Variants in GPSM1 observed in about 807,000 individuals in gnomAD.
The protein encoded by GPSM1 is G protein-signaling modulator 1.
In GPSM1, 48 loss-of-function variants were observed where a neutral mutation model predicts 70.5. That is an observed-to-expected ratio of 0.68 (90% CI 0.54 to 0.87). GPSM1 has a LOEUF of 0.87. Among genes scored for constraint, GPSM1 ranks in the 40% least tolerant of loss-of-function variants. The pLI is 0.00. For synonymous variants in GPSM1, 416 were observed against 430.1 expected, an observed-to-expected ratio of 0.97 and a Z score of 0.41; for missense variants, 981 against 972.6, an observed-to-expected ratio of 1.01 and a Z score of -0.11.
rs782226568 is a variant in GPSM1 at position 136,334,473 on chromosome 9, C to T, written c.95C>T (p.Ala32Val). Residue 32 changes from alanine to valine, a missense_variant, in exon 2 of 14, where the codon GCG becomes GTG. Ala to Val is a moderately conservative substitution (Grantham distance 64). Coordinates refer to ENST00000440944, the MANE Select transcript of GPSM1 (RefSeq NM_001145638.3). ...ATGGAGGCGTCCTGCCTAGAGCTGG[C>T]GCTGGAGGGCGAGCGTCTGTGCAAG... ...SRMEASCLEL[A>V]LEGERLCKAG... 5 of 1,612,490 alleles carry T rather than the reference C, an allele frequency of 3.1e-6. No individual in the cohort carries two copies. Among genetic ancestry groups the T allele is most frequent in the East Asian group, 4.5e-5 (2 of 44,878 alleles).
chr9:136,346,744 C>T (rs1292389528), intron 9 of GPSM1, among the ~76,000 whole-genome samples: 2 of 152,208 alleles, frequency 1.3e-5, no homozygotes, highest in South Asian at 2.1e-4. Flanking sequence ...GGGCCAGGCT[C>T]ATATTTAAAT....
intron 10 of GPSM1, 136 bp downstream of exon 10, chr9:136,348,903 G>A (rs1218493496): frequency 3.1e-6 from 2 of 647,650 alleles, no homozygotes; most frequent in Non-Finnish European, 2.7e-6. Context: ...TCGGCCTGAT[G>A]CCCTGCATGG....
chr9:136,347,045 C>A (rs1380707249), intron 9 of GPSM1, among the ~76,000 whole-genome samples: 2 of 152,118 alleles, frequency 1.3e-5, no homozygotes, highest in African/African-American at 4.8e-5. Flanking sequence ...TGCAGTGGGG[C>A]CTGGACAGGG....
rs1832338381 is a variant in GPSM1 at position 136,339,695 on chromosome 9, C to T, written c.975-12C>T. 2 of 1,535,746 alleles carry T rather than the reference C, an allele frequency of 1.3e-6. No homozygotes were observed. Among genetic ancestry groups the T allele is most frequent in the Non-Finnish European group, 8.8e-7 (1 of 1,133,824 alleles). ...AGAGGGCGGGTATGAATCTGGTCTC[C>T]CTCTCTGGCAGAGTGGGCGAGGGCC... On this transcript the variant is annotated splice_polypyrimidine_tract_variant and intron_variant, in intron 7 of 13. Coordinates refer to ENST00000440944, the MANE Select transcript of GPSM1 (RefSeq NM_001145638.3).
chr9:136,346,123 C>T (rs782339476), intron 9 of GPSM1, among the ~76,000 whole-genome samples: 3 of 152,222 alleles, frequency 2.0e-5, no homozygotes, highest in Admixed American at 6.5e-5. Context: ...ATGGGCCCCA[C>T]GTGTGCCTCT....
intron 9 of GPSM1, among the ~76,000 whole-genome samples, chr9:136,347,388 G>A (rs1384604872): frequency 1.2e-4 from 18 of 152,090 alleles, no homozygotes; most frequent in East Asian, 5.8e-4. Flanking sequence ...GTGGAGGGAC[G>A]CTTGGTTCCC....
At chr9:136,345,020 G>A (rs180979700) in intron 9 of GPSM1, among the ~76,000 whole-genome samples, 38 of 152,338 alleles carry the variant, frequency 2.5e-4, no homozygotes, top group African/African-American at 8.2e-4. Flanking sequence ...AGGAGGGGTG[G>A]GACTCTGGAT....
At position 136,335,980 on chromosome 9, in the gene GPSM1, G is replaced by T. The variant is rs370718104; in HGVS notation, c.305G>T (p.Arg102Leu). 2 of 1,612,394 alleles carry T rather than the reference G, an allele frequency of 1.2e-6. No individual in the cohort carries two copies. The highest frequency in any genetic ancestry group is 1.7e-5 in the Admixed American group (1 of 59,980). The part of the protein sequence containing the change: ...DLLLARTIGD[R>L]MGEAKASGNL... ...CTGCCATCCAGGACCATCGGTGACC[G>T]CATGGGGGAGGCCAAGGCCAGTGGA... The change falls in exon 3 of 14, where the codon CGC becomes CTC. Residue 102 changes from arginine (R) to leucine (L), a missense_variant. Transcript: ENST00000440944.
At chr9:136,354,195 C>T (rs1554772591) in intron 11 of GPSM1, among the ~76,000 whole-genome samples, 1 of 152,196 alleles carries the variant, frequency 6.6e-6, no homozygotes, top group Non-Finnish European at 1.5e-5. Flanking sequence ...TCCACAGGGC[C>T]CTCGGCTCAG....
At chr9:136,356,289 C>A in intron 12 of GPSM1, 53 bp from the exon 13 acceptor site, 1 of 1,357,982 alleles carries the variant, frequency 7.4e-7, no homozygotes, top group Non-Finnish European at 9.9e-7. Context: ...CAGCCCGAGC[C>A]TCGGGCTTGA....
rs1480690354 is a variant in GPSM1 at position 136,340,737 on chromosome 9, C to T, written c.1084-133C>T. 5 of 1,290,946 alleles carry T rather than the reference C, an allele frequency of 3.9e-6. No individual in the cohort carries two copies. In the East Asian group the frequency reaches 7.7e-5, roughly 20 times the overall value. The allele number at this position is 1,290,946 out of a possible 1,614,324, so 80.0% of individuals were successfully genotyped here. A position where few individuals can be genotyped will look rare whatever the true frequency, so the allele number is the denominator to read the frequency against. On this transcript the variant is annotated intron_variant, in intron 8 of 13. Coordinates refer to ENST00000440944, the MANE Select transcript of GPSM1 (RefSeq NM_001145638.3). This position sits in a 1 kb window ranked among gnomAD's most constrained non-coding sequence, Gnocchi z 7.3. ...AGTGAGTCCTGGTTCCCTCAGAGGC[C>T]CAGGGGTCAGTGACCAGTTCAGGTC...
Position 136,347,622 on chromosome 9 carries a change from T to G in GPSM1, c.1208-1075T>G, listed in dbSNP as rs371252058. Among the ~76,000 whole-genome samples, 70 of 152,296 alleles carry G rather than the reference T, an allele frequency of 4.6e-4. No individual in the cohort carries two copies. In the East Asian group the frequency reaches 7.5e-3, roughly 16 times the overall value. ...CTGTGCCCCTGTCCGTCCCGCCGCC[T>G]CCTCAGGGAAGCGCCCGCAGACCCT... On this transcript the variant is annotated intron_variant, in intron 9 of 13. Coordinates refer to ENST00000440944, the MANE Select transcript of GPSM1 (RefSeq NM_001145638.3).
chr9:136,343,474 T>G lies in GPSM1; in HGVS notation c.1207+2481T>G, dbSNP rs1198317503. Among the ~76,000 whole-genome samples the G allele has an allele frequency of 6.6e-6, 1 of 152,126 alleles. No homozygotes were observed. The highest frequency in any genetic ancestry group is 1.5e-5 in the Non-Finnish European group (1 of 68,028). ...CCGTACTTCTCAGCCCTCCACCGTC[T>G]GGGCCCTGCTCAGGGCGTTGTGAGC... is the stretch of plus-strand genomic sequence containing the variant. On this transcript the variant is annotated intron_variant, in intron 9 of 13. Coordinates refer to ENST00000440944, the MANE Select transcript of GPSM1 (RefSeq NM_001145638.3). The surrounding 1 kb of genome is among the most constrained non-coding windows in gnomAD (Gnocchi z 6.0).
intron 6 of GPSM1, among the ~76,000 whole-genome samples, 182 bp from the exon 7 acceptor site, chr9:136,338,373 C>T (rs868942592): frequency 3.3e-5 from 5 of 152,332 alleles, no homozygotes; most frequent in Middle Eastern, 3.4e-3. Context: ...GACCCCCCGT[C>T]CCCCTGGGGC....
chr9:136,335,835 G>T (rs28447209), intron 2 of GPSM1, 131 bp from the exon 3 acceptor site: 13,250 of 918,588 alleles, frequency 0.014, 136 homozygotes, highest in Non-Finnish European at 0.019. Context: ...ATCACCTCAG[G>T]GGTTGCAGGC....
At chr9:136,344,134 C>T (rs1314253475) in intron 9 of GPSM1, among the ~76,000 whole-genome samples, 13 of 143,452 alleles carry the variant, frequency 9.1e-5, no homozygotes, top group African/African-American at 3.1e-4. Context: ...CAGGGAGGTG[C>T]GGACAGGAAC....
chr9:136,354,024 G>A (rs1010517620), intron 11 of GPSM1, among the ~76,000 whole-genome samples: 1 of 152,184 alleles, frequency 6.6e-6, no homozygotes. Context: ...CCTTAGGCCT[G>A]AGCCAGGCTG....
At chr9:136,337,201 C>A in intron 4 of GPSM1, 129 bp downstream of exon 4, 2 of 1,044,758 alleles carry the variant, frequency 1.9e-6, no homozygotes, top group South Asian at 1.7e-5. Flanking sequence ...CGGCCAGGTC[C>A]GCCCACCCCC....
At chr9:136,331,403 G>T (rs576653648) in intron 1 of GPSM1, among the ~76,000 whole-genome samples, 1 of 151,646 alleles carries the variant, frequency 6.6e-6, no homozygotes, top group East Asian at 2.0e-4. Context: ...ACCGTGGGCT[G>T]GTGCCAGGGA....
Sources: allele counts gnomAD v4.1 joint callset (sites outside exome capture counted in the v4.1 genomes callset), GRCh38; gene constraint gnomAD v4.1.1; non-coding constraint Gnocchi (gnomAD v3.1); transcripts MANE v1.5; gene names NCBI Gene and HGNC (gene_info 2026-07-23, HGNC 2026-07-21).